Variants in KDM1A observed in about 807,000 individuals in gnomAD.
KDM1A encodes lysine-specific histone demethylase 1A.
KDM1A carries 49 observed loss-of-function variants against 109.4 expected under a neutral mutation model. The observed-to-expected ratio is 0.45, with a 90% CI of 0.36 to 0.57. KDM1A has a LOEUF of 0.57. Ranked by LOEUF, KDM1A falls within the 20% of genes least tolerant of loss-of-function variation. The pLI is 0.00. For missense variants in KDM1A, 668 were observed against 1,116.6 expected (o/e 0.60, Z 5.73); for synonymous variants, 380 against 415.4 (o/e 0.91, Z 1.04).
At chr1:23,047,178 T>C (rs1642524993) in intron 3 of KDM1A, among the ~76,000 whole-genome samples, 1 of 152,198 alleles carries the variant, frequency 6.6e-6, no homozygotes, top group Non-Finnish European at 1.5e-5. Context: ...CTCAACAGTT[T>C]AGGTTACAAA....
At chr1:23,060,049 C>T (rs1213755354) in intron 9 of KDM1A, among the ~76,000 whole-genome samples, 1 of 152,212 alleles carries the variant, frequency 6.6e-6, no homozygotes, top group Non-Finnish European at 1.5e-5. Context: ...GACAGACTCT[C>T]AGGGAATGCT....
At chr1:23,042,900 C>A (rs1642395013) in intron 2 of KDM1A, among the ~76,000 whole-genome samples, 1 of 151,994 alleles carries the variant, frequency 6.6e-6, no homozygotes, top group Non-Finnish European at 1.5e-5. Flanking sequence ...AGGCGAGCAC[C>A]ACCACACCTG....
chr1:23,045,958 C>T (rs531154187), intron 3 of KDM1A, among the ~76,000 whole-genome samples: 1 of 152,298 alleles, frequency 6.6e-6, no homozygotes, highest in South Asian at 2.1e-4. Context: ...AGATGACCCT[C>T]ATGGGTATCT....
chr1:23,043,557 A>G (rs1450754479), intron 2 of KDM1A, among the ~76,000 whole-genome samples: 1 of 152,182 alleles, frequency 6.6e-6, no homozygotes, highest in Non-Finnish European at 1.5e-5. Context: ...TCTTCCAAAG[A>G]TCACACTCAT....
In KDM1A at chr1:23,077,211, T is replaced by A; in HGVS notation, c.1735-17T>A. ...TTAATAAAAGGTTGGAAATATGTTC[T>A]TTTCTCTCCTCTTTAGGATGATGAC... On this transcript the variant is annotated splice_polypyrimidine_tract_variant and intron_variant, in intron 15 of 20. Transcript: ENST00000400181. 1 of 1,607,800 alleles carries A rather than the reference T, an allele frequency of 6.2e-7. No individual in the cohort carries two copies.
intron 2 of KDM1A, among the ~76,000 whole-genome samples, chr1:23,037,576 G>A (rs967194830): frequency 2.0e-5 from 3 of 152,038 alleles, no homozygotes; most frequent in African/African-American, 7.2e-5. Context: ...CACTTTCTTG[G>A]TATTTTTCAA....
At chr1:23,030,259 A>G (rs1641943095) in intron 1 of KDM1A, among the ~76,000 whole-genome samples, 1 of 152,214 alleles carries the variant, frequency 6.6e-6, no homozygotes, top group Admixed American at 6.5e-5. Flanking sequence ...TAAAACTTAC[A>G]GATTAGTTTG....
chr1:23,019,573 C>T lies in KDM1A; in HGVS notation c.-24C>T, dbSNP rs748123284. On this transcript the variant is annotated 5_prime_UTR_variant, in exon 1 of 21. Coordinates refer to ENST00000400181, the MANE Select transcript of KDM1A (RefSeq NM_001009999.3). Reference sequence around the variant, plus strand: ...GCGACAGAGCGAGCGGCCCCTACGGCCGTCGGCGGCCCGGCGGCCCGAGAT... The same window carrying T: ...GCGACAGAGCGAGCGGCCCCTACGGTCGTCGGCGGCCCGGCGGCCCGAGAT... 7.2e-7 allele frequency: 1 copy of T among 1,396,240 alleles called. No individual in the cohort carries two copies. The highest frequency in any genetic ancestry group is 2.8e-5 in the East Asian group (1 of 35,756). 86.5% of individuals were successfully genotyped at this position (1,396,240 alleles called of 1,614,324 possible). A position where few individuals can be genotyped will look rare whatever the true frequency, so the allele number is the denominator to read the frequency against.
intron 9 of KDM1A, among the ~76,000 whole-genome samples, chr1:23,060,077 C>A (rs897612120): frequency 6.6e-6 from 1 of 152,106 alleles, no homozygotes; most frequent in Non-Finnish European, 1.5e-5. Flanking sequence ...CCATCCCCAC[C>A]ATCATGGTCC....
chr1:23,082,683 G>T (rs1013421469), intron 20 of KDM1A: 1 of 245,230 alleles, frequency 4.1e-6, no homozygotes, highest in African/African-American at 2.2e-5. Context: ...TAGGATTGCT[G>T]TAAGGTCTCA....
intron 3 of KDM1A, among the ~76,000 whole-genome samples, 185 bp from the exon 4 acceptor site, chr1:23,050,202 G>C (rs1303753187): frequency 6.6e-6 from 1 of 152,192 alleles, no homozygotes; most frequent in Non-Finnish European, 1.5e-5. Context: ...ACTCAGTAAA[G>C]TATAAACTTT....
At chr1:23,042,842 A>C (rs1642392822) in intron 2 of KDM1A, among the ~76,000 whole-genome samples, 1 of 150,188 alleles carries the variant, frequency 6.7e-6, no homozygotes, top group Non-Finnish European at 1.5e-5. Context: ...TCTGCCCCCC[A>C]GGTTCAAGTG....
chr1:23,063,213 G>T (rs1643057829), intron 9 of KDM1A, among the ~76,000 whole-genome samples: 1 of 44,646 alleles, frequency 2.2e-5, no homozygotes, highest in Non-Finnish European at 5.0e-5. Context: ...GGGGTGTGGT[G>T]TGGGGTGGGT....
chr1:23,027,516 C>T (rs1401200983), intron 1 of KDM1A, among the ~76,000 whole-genome samples: 2 of 147,740 alleles, frequency 1.4e-5, no homozygotes, highest in Non-Finnish European at 3.0e-5. Context: ...CCCCCGCCCC[C>T]ACCAGGTTCA....
chr1:23,063,743 C>T (rs1643084519), intron 9 of KDM1A, among the ~76,000 whole-genome samples: 1 of 152,166 alleles, frequency 6.6e-6, no homozygotes, highest in African/African-American at 2.4e-5. Flanking sequence ...GGCACCTCTA[C>T]TATATGCTAA....
intron 12 of KDM1A, among the ~76,000 whole-genome samples, chr1:23,070,214 A>G (rs1267713878): frequency 6.6e-6 from 1 of 152,234 alleles, no homozygotes; most frequent in Non-Finnish European, 1.5e-5. Flanking sequence ...GCTTATGCCT[A>G]TAATCCCAAC....
chr1:23,022,918 C>T (rs1416530870), intron 1 of KDM1A, among the ~76,000 whole-genome samples: 1 of 152,162 alleles, frequency 6.6e-6, no homozygotes, highest in African/African-American at 2.4e-5. Context: ...ATCGGCCTCC[C>T]AAAGTGCTGG....
At chr1:23,033,858 A>G (rs1179373148) in intron 2 of KDM1A, among the ~76,000 whole-genome samples, 1 of 152,210 alleles carries the variant, frequency 6.6e-6, no homozygotes, top group East Asian at 1.9e-4. Flanking sequence ...GGGGGGTTAC[A>G]CTGAAATATG....
rs1348042758 is a variant in KDM1A, at chr1:23,077,248, T to C, written c.1755T>C (p.Thr585=). The C allele has an allele frequency of 1.2e-6, 2 of 1,613,950 alleles. No individual in the cohort carries two copies. The highest frequency in any genetic ancestry group is 1.7e-6 in the Non-Finnish European group (2 of 1,179,932). ...HWDQDDDFEF[T]GSHLTVRNGY... is the part of the protein sequence containing the mutation. ...TTTAGGATGATGACTTTGAGTTCAC[T>C]GGCAGCCACCTGACAGTAAGGAATG... The change falls in exon 16 of 21, where the codon ACT becomes ACC. Residue 585 remains threonine (T), a synonymous_variant. Transcript: ENST00000400181.
Sources: allele counts gnomAD v4.1 joint callset (sites outside exome capture counted in the v4.1 genomes callset), GRCh38; gene constraint gnomAD v4.1.1; transcripts MANE v1.5; gene names NCBI Gene and HGNC (gene_info 2026-07-23, HGNC 2026-07-21).